COX16: variants seen among roughly 807,000 people sequenced by gnomAD.
COX16 encodes cytochrome c oxidase assembly protein COX16 homolog, mitochondrial.
In COX16, 12 loss-of-function variants were observed where a neutral mutation model predicts 15.4. The ratio of observed to expected loss-of-function variants is 0.78; its 90% CI spans 0.50 to 1.26. The LOEUF is 1.26. Among genes scored for constraint, COX16 ranks in the 50% most tolerant of loss-of-function variants. The probability of loss-of-function intolerance (pLI) is 0.00; values close to 1 mark genes in which losing one functional copy is unlikely to be tolerated. For missense variants in COX16, 124 were observed against 127.6 expected (o/e 0.97, Z 0.14); for synonymous variants, 46 against 41.1 (o/e 1.12, Z -0.46).
At position 70,342,722 on chromosome 14, in the gene COX16, A is replaced by AC. The variant is rs757637967; in HGVS notation, c.76_77insG (p.Ile26SerfsTer10). On this transcript the variant is annotated frameshift_variant, in exon 2 of 4. Transcript: ENST00000389912. LOFTEE classifies it high-confidence loss of function. ...ACGAAGACCAAAAGAACCTCCAACA[A>AC]TCAGCAACTAAAACAAAGAAAGGAA... 1 of 1,612,812 alleles carries AC rather than the reference A, an allele frequency of 6.2e-7. No homozygotes were observed. The highest frequency in any genetic ancestry group is 8.5e-7 in the Non-Finnish European group (1 of 1,179,650).
intron 2 of COX16, among the ~76,000 whole-genome samples, chr14:70,336,278 AAAAC>A (rs887491163): frequency 1.1e-4 from 17 of 152,022 alleles, no homozygotes; most frequent in African/African-American, 4.8e-5. Context: ...AACAAAAACA[AAAAC>A]AAAAAAGCGC....
intron 2 of COX16, among the ~76,000 whole-genome samples, chr14:70,338,722 G>A (rs1886534916): frequency 6.6e-6 from 1 of 152,180 alleles, no homozygotes; most frequent in Non-Finnish European, 1.5e-5. Flanking sequence ...AGCTAACTCA[G>A]CAGCTCTATT....
At chr14:70,331,738 G>T in intron 2 of COX16, among the ~76,000 whole-genome samples, 1 of 42,116 alleles carries the variant, frequency 2.4e-5, no homozygotes, top group Non-Finnish European at 5.4e-5. Flanking sequence ...TAAAATTGAA[G>T]TATGATACAA....
At chr14:70,356,869 G>A (rs536231699) in intron 1 of COX16, among the ~76,000 whole-genome samples, 2 of 152,144 alleles carry the variant, frequency 1.3e-5, no homozygotes, top group East Asian at 3.9e-4. Context: ...AAAAATGCCT[G>A]AATCTCAGGA....
rs190820284 is a variant in COX16 at position 70,345,012 on chromosome 14, G to A, written c.70-2283C>T. On this transcript the variant is annotated intron_variant, in intron 1 of 3. Coordinates refer to ENST00000389912, the MANE Select transcript of COX16 (RefSeq NM_016468.7). ...ATGTTGTCTGTTGGTGCGCTCTCAG[G>A]GTTCCAACCGATACAAGAACCGTAC... Among the ~76,000 whole-genome samples the A allele has an allele frequency of 9.9e-5, 15 of 152,242 alleles. No homozygotes were observed. In the East Asian group the frequency reaches 2.5e-3, roughly 26 times the overall value.
At chr14:70,351,658 A>G (rs558484374) in intron 1 of COX16, among the ~76,000 whole-genome samples, 1 of 152,290 alleles carries the variant, frequency 6.6e-6, no homozygotes, top group African/African-American at 2.4e-5. Flanking sequence ...ATTTTAGATT[A>G]AAGTATATTG....
At chr14:70,334,349 C>G (rs542372255) in intron 2 of COX16, among the ~76,000 whole-genome samples, 77 of 152,170 alleles carry the variant, frequency 5.1e-4, no homozygotes, top group Non-Finnish European at 9.1e-4. Context: ...ATGGCAAAAC[C>G]CCGTCTCTAC....
intron 2 of COX16, 35 bp from the exon 3 acceptor site, chr14:70,329,271 A>C (rs1326806623): frequency 1.9e-6 from 3 of 1,575,346 alleles, no homozygotes; most frequent in Non-Finnish European, 2.6e-6. Flanking sequence ...AAGTTATCTA[A>C]GTCTGTTTGT....
rs1376405436 is a variant in COX16, at chr14:70,354,994, G to A, written c.69+4525C>T. 2.6e-5 allele frequency among the ~76,000 whole-genome samples: 4 copies of A among 152,006 alleles called. No homozygotes were observed. In the East Asian group the frequency reaches 5.8e-4, roughly 22 times the overall value. On this transcript the variant is annotated intron_variant, in intron 1 of 3. Coordinates refer to ENST00000389912, the MANE Select transcript of COX16 (RefSeq NM_016468.7). ...TGATTCATCAATTCTCTCCTTTCCT[G>A]TATCATCAAAATCTTGCTCACCACT... is the stretch of plus-strand genomic sequence containing the variant.
chr14:70,346,345 G>A (rs1886780215), intron 1 of COX16, among the ~76,000 whole-genome samples: 2 of 152,206 alleles, frequency 1.3e-5, no homozygotes, highest in Non-Finnish European at 2.9e-5. Flanking sequence ...GCAGGCCCAC[G>A]GGTCCGCAGC....
At chr14:70,351,790 A>G (rs1366019943) in intron 1 of COX16, among the ~76,000 whole-genome samples, 3 of 152,160 alleles carry the variant, frequency 2.0e-5, no homozygotes, top group Non-Finnish European at 4.4e-5. Flanking sequence ...CACAGCTTCA[A>G]GGTTTTGTTG....
intron 3 of COX16, among the ~76,000 whole-genome samples, chr14:70,328,683 T>A (rs1199416946): frequency 1.3e-5 from 2 of 152,212 alleles, no homozygotes; most frequent in East Asian, 3.8e-4. Flanking sequence ...ACTGAACAAA[T>A]GAATTGTTGA....
intron 1 of COX16, among the ~76,000 whole-genome samples, chr14:70,345,815 C>T (rs1171925734): frequency 1.3e-5 from 2 of 152,078 alleles, no homozygotes; most frequent in Non-Finnish European, 2.9e-5. Context: ...CCGACCCTAC[C>T]TCATTTTTCT....
chr14:70,337,243 A>C (rs1190114095), intron 2 of COX16, among the ~76,000 whole-genome samples: 1 of 152,170 alleles, frequency 6.6e-6, no homozygotes, highest in East Asian at 1.9e-4. Context: ...GTATCAATTT[A>C]AAGCCATGTA....
intron 2 of COX16, among the ~76,000 whole-genome samples, chr14:70,337,793 A>C (rs1431540304): frequency 6.6e-6 from 1 of 152,202 alleles, no homozygotes; most frequent in East Asian, 1.9e-4. Context: ...AAAACTAAAA[A>C]ATATAGTAAC....
At chr14:70,336,600 T>G (rs562007458) in intron 2 of COX16, among the ~76,000 whole-genome samples, 4 of 152,204 alleles carry the variant, frequency 2.6e-5, no homozygotes, top group Non-Finnish European at 5.9e-5. Context: ...CAAGTTAACT[T>G]CCTCATATGC....
chr14:70,330,799 A>ATGAT (rs1373327427), intron 2 of COX16, among the ~76,000 whole-genome samples: 2 of 152,202 alleles, frequency 1.3e-5, no homozygotes, highest in Non-Finnish European at 2.9e-5. Context: ...TCAATATTTG[A>ATGAT]TGATTGCACA....
chr14:70,356,198 AGAT>A (rs1412944414), intron 1 of COX16, among the ~76,000 whole-genome samples: 2 of 111,694 alleles, frequency 1.8e-5, no homozygotes, highest in Non-Finnish European at 3.4e-5. Flanking sequence ...ATTTTTCCAC[AGAT>A]GGTGGCGGGG....
rs572419917 is a variant in COX16, at chr14:70,326,299, A to T, written c.*34T>A. 68 of 233,568 alleles carry T rather than the reference A, an allele frequency of 2.9e-4. No individual in the cohort carries two copies. Among genetic ancestry groups the T allele is most frequent in the East Asian group, 2.4e-3 (16 of 6,680 alleles). The allele number at this position is 233,568 out of a possible 1,614,324, so 14.5% of individuals were successfully genotyped here. A position where few individuals can be genotyped will look rare whatever the true frequency, so the allele number is the denominator to read the frequency against. ...AGTCCAGTTAATAATATTTTTATTT[A>T]AAAAAAAAAAAAAGGAAAAAAGAAT... On this transcript the variant is annotated 3_prime_UTR_variant, in exon 4 of 4. Transcript: ENST00000389912.
Sources: gnomAD v4.1 joint callset for allele counts (sites outside exome capture counted in the v4.1 genomes callset) on GRCh38, gnomAD v4.1.1 for gene constraint, MANE v1.5 for transcripts, NCBI Gene and HGNC (gene_info 2026-07-23, HGNC 2026-07-21) for gene names.